The following ST3GAL1 variants were observed in gnomAD, a reference collection of about 807,000 sequenced individuals.
ST3GAL1 encodes the protein CMP-N-acetylneuraminate-beta-galactosamide-alpha-2,3-sialyltransferase 1.
A neutral mutation model predicts 34.1 loss-of-function variants in ST3GAL1; 16 were observed. The observed-to-expected ratio is 0.47, with a 90% confidence interval of 0.32 to 0.71. The LOEUF (loss-of-function observed/expected upper bound fraction) is 0.71. Among genes scored for constraint, ST3GAL1 ranks in the 30% least tolerant of loss-of-function variants. ST3GAL1 has a pLI of 0.04. For synonymous variants in ST3GAL1, 191 were observed against 184.7 expected (o/e 1.03, Z -0.28); for missense variants, 353 against 447.4 (o/e 0.79, Z 1.90).
chr8:133,554,267 C>A (rs1184730569), intron 1 of ST3GAL1, among the ~76,000 whole-genome samples: 1 of 152,168 alleles, frequency 6.6e-6, no homozygotes, highest in African/African-American at 2.4e-5. Context: ...CTGGAAGACA[C>A]CTGAATGCAC....
rs1586586078 is a variant in ST3GAL1 at position 133,465,937 on chromosome 8, A to T, written c.460T>A (p.Ser154Thr). ...CTGTCTATCTCAGGCCCATAAGAAGACTCCCTCAGGTTGCCCGAGTTGCCC... is the reference window on the plus strand; with the variant it reads ...CTGTCTATCTCAGGCCCATAAGAAGTCTCCCTCAGGTTGCCCGAGTTGCCC... Reference protein sequence around the residue: ...VVGNSGNLRESSYGPEIDSHD... With the variant: ...VVGNSGNLRETSYGPEIDSHD... Residue 154 changes from serine (S) to threonine (T), a missense_variant, in exon 6 of 10, where the codon TCT becomes ACT. By Grantham distance (58) the Ser-to-Thr change is moderately conservative. Transcript: ENST00000522652. 1 of 1,613,542 alleles carries T rather than the reference A, an allele frequency of 6.2e-7. No homozygotes were observed. Among genetic ancestry groups the T allele is most frequent in the Non-Finnish European group, 8.5e-7 (1 of 1,179,876 alleles).
chr8:133,475,979 C>T lies in ST3GAL1; in HGVS notation c.46G>A (p.Val16Met), dbSNP rs150867627. ...AAGGAGGTGAGGAAGATGAAGAGCA[C>T]GAGGAAGGTGAGCACTTTCAGGGTC... ...KRTLKVLTFL[V>M]LFIFLTSFFL... The change falls in exon 5 of 10, where the codon GTG becomes ATG. Residue 16 changes from valine to methionine, a missense_variant. By Grantham distance (21) the Val-to-Met change is conservative. Transcript: ENST00000522652. 174 of 1,612,040 alleles carry T rather than the reference C, an allele frequency of 1.1e-4. No homozygotes were observed. Among genetic ancestry groups the T allele is most frequent in the South Asian group, 2.0e-4 (18 of 90,798 alleles).
intron 2 of ST3GAL1, among the ~76,000 whole-genome samples, chr8:133,528,512 T>C (rs1386118664): frequency 1.3e-5 from 2 of 152,240 alleles, no homozygotes; most frequent in Non-Finnish European, 2.9e-5. Context: ...TACATTGAGC[T>C]ATACAAGCTG....
In ST3GAL1 at chr8:133,465,762, C is replaced by G. The variant is rs959076283; in HGVS notation, c.503+132G>C. The G allele has an allele frequency of 5.2e-6, 5 of 958,636 alleles. No homozygotes were observed. In the African/African-American group the frequency reaches 6.6e-5, roughly 13 times the overall value. The allele number at this position is 958,636 out of a possible 1,614,324, so 59.4% of individuals were successfully genotyped here. A position where few individuals can be genotyped will look rare whatever the true frequency, so the allele number is the denominator to read the frequency against. On this transcript the variant is annotated intron_variant, in intron 6 of 9. Coordinates refer to ENST00000522652, the MANE Select transcript of ST3GAL1 (RefSeq NM_173344.3). ...GAGGCCCAGGGGGTGCAGTGTGGAG[C>G]CTGGGGTCCCTGGGTAAGTTCAGTC...
chr8:133,556,702 A>G lies in ST3GAL1; in HGVS notation c.-581-10776T>C, dbSNP rs1819037584. Among the ~76,000 whole-genome samples the G allele has an allele frequency of 6.6e-6, 1 of 152,184 alleles. No individual in the cohort carries two copies. The highest frequency in any genetic ancestry group is 3.2e-3 in the Middle Eastern group (1 of 316). ...GAGAAAGAAAACTATTAGCCATGGA[A>G]ACCTTGCACCCAAGGACACGGCTGA... On this transcript the variant is annotated intron_variant, in intron 1 of 9. Transcript: ENST00000522652. The surrounding 1 kb of genome is among the most constrained non-coding windows in gnomAD (Gnocchi z 8.9).
intron 1 of ST3GAL1, among the ~76,000 whole-genome samples, chr8:133,555,208 G>C (rs1818974444): frequency 6.6e-6 from 1 of 152,096 alleles, no homozygotes; most frequent in South Asian, 2.1e-4. Context: ...ACCCGTCTCA[G>C]CCTGGCCGGG....
At chr8:133,505,464 T>C (rs1217094057) in intron 2 of ST3GAL1, among the ~76,000 whole-genome samples, 1 of 152,226 alleles carries the variant, frequency 6.6e-6, no homozygotes, top group Non-Finnish European at 1.5e-5. Context: ...GTCTTTTGGC[T>C]CTGATCCAGG....
Position 133,497,544 on chromosome 8 carries a change from A to C in ST3GAL1, c.-374+1591T>G, listed in dbSNP as rs546393496. The stretch of plus-strand genomic sequence containing the variant: ...GGAGTGCACGGGCGCAATCTCGGCT[A>C]ACTGCAACCTCCGTGCCTCCTGGGT... On this transcript the variant is annotated intron_variant, in intron 3 of 9. Coordinates refer to ENST00000522652, the MANE Select transcript of ST3GAL1 (RefSeq NM_173344.3). 1.8e-3 allele frequency among the ~76,000 whole-genome samples: 242 copies of C among 133,246 alleles called. 1 individual carries two copies. The highest frequency in any genetic ancestry group is 6.2e-3 in the African/African-American group (215 of 34,650). The allele number at this position is 133,246 out of a possible 152,430, so 87.4% of individuals were successfully genotyped here.
At chr8:133,557,532 G>T (rs961968548) in intron 1 of ST3GAL1, among the ~76,000 whole-genome samples, 2 of 152,108 alleles carry the variant, frequency 1.3e-5, no homozygotes, top group African/African-American at 4.8e-5. Context: ...CACCAGCCAG[G>T]CCCTGTCTGT....
chr8:133,503,277 TAGTC>T (rs1199034214), intron 2 of ST3GAL1, among the ~76,000 whole-genome samples: 4 of 152,188 alleles, frequency 2.6e-5, no homozygotes, highest in African/African-American at 9.6e-5. Flanking sequence ...ACTGAGTAGA[TAGTC>T]AGGAGAGCCG....
rs1818516072 is a variant in ST3GAL1, at chr8:133,541,147, A to AGAGAGG, written c.-429+4626_-429+4627insCCTCTC. On this transcript the variant is annotated intron_variant, in intron 2 of 9. Coordinates refer to ENST00000522652, the MANE Select transcript of ST3GAL1 (RefSeq NM_173344.3). ...GAGAGAGAGAGAGAGAGAGAGAGAG[A>AGAGAGG]GAGAGACTGTGTGTCTCTCCCTCTT... Among the ~76,000 whole-genome samples the AGAGAGG allele has an allele frequency of 1.6e-4, 20 of 125,470 alleles. 1 individual carries two copies. The highest frequency in any genetic ancestry group is 6.7e-4 in the African/African-American group (17 of 25,508). The allele number at this position is 125,470 out of a possible 152,430, so 82.3% of individuals were successfully genotyped here. A position where few individuals can be genotyped will look rare whatever the true frequency, so the allele number is the denominator to read the frequency against.
rs1335238381 is a variant in ST3GAL1 at position 133,466,927 on chromosome 8, T to C, written c.307-837A>G. Among the ~76,000 whole-genome samples, 2 of 151,962 alleles carry C rather than the reference T, an allele frequency of 1.3e-5. No homozygotes were observed. Among genetic ancestry groups the C allele is most frequent in the African/African-American group, 4.8e-5 (2 of 41,342 alleles). On this transcript the variant is annotated intron_variant, in intron 5 of 9. Transcript: ENST00000522652. This position sits in a 1 kb window ranked among gnomAD's most constrained non-coding sequence, Gnocchi z 4.4. The stretch of plus-strand genomic sequence containing the variant: ...GCCTGGCCAATATGGTGAAACCCCA[T>C]CTCTATTAAAAATACAAAAAAGCCG...
At chr8:133,522,848 G>A (rs1817853184) in intron 2 of ST3GAL1, among the ~76,000 whole-genome samples, 1 of 152,106 alleles carries the variant, frequency 6.6e-6, no homozygotes, top group African/African-American at 2.4e-5. Context: ...TGGCCTCCTG[G>A]TGTGCTCCCA....
chr8:133,557,731 C>T (rs1254742801), intron 1 of ST3GAL1, among the ~76,000 whole-genome samples: 1 of 152,044 alleles, frequency 6.6e-6, no homozygotes, highest in Non-Finnish European at 1.5e-5. Flanking sequence ...GCCTGTAATC[C>T]CAGCTACTTA....
In ST3GAL1 at chr8:133,531,061, C is replaced by T. The variant is rs574035617; in HGVS notation, c.-429+14713G>A. Among the ~76,000 whole-genome samples, 8 of 151,676 alleles carry T rather than the reference C, an allele frequency of 5.3e-5. 1 individual carries two copies. The highest frequency in any genetic ancestry group is 1.9e-4 in the African/African-American group (8 of 41,524). ...TTTATGATTATGCTCTGCAGCACCC[C>T]AAACACAGCAGTGGCTGTCCCCCGC... is the stretch of plus-strand genomic sequence containing the variant. On this transcript the variant is annotated intron_variant, in intron 2 of 9. Coordinates refer to ENST00000522652, the MANE Select transcript of ST3GAL1 (RefSeq NM_173344.3).
chr8:133,509,697 G>A (rs992294204), intron 2 of ST3GAL1, among the ~76,000 whole-genome samples: 2 of 152,204 alleles, frequency 1.3e-5, no homozygotes, highest in African/African-American at 4.8e-5. Context: ...TTTACAGGAC[G>A]AGGTCAGTGA....
At chr8:133,533,900 T>C (rs1818228290) in intron 2 of ST3GAL1, among the ~76,000 whole-genome samples, 1 of 152,200 alleles carries the variant, frequency 6.6e-6, no homozygotes, top group South Asian at 2.1e-4. Flanking sequence ...AATATGCAAA[T>C]AAGCAGCAAC....
At chr8:133,518,387 C>G (rs754990949) in intron 2 of ST3GAL1, among the ~76,000 whole-genome samples, 2 of 152,172 alleles carry the variant, frequency 1.3e-5, no homozygotes, top group Non-Finnish European at 2.9e-5. Context: ...TTACCTGCCC[C>G]GTGTAATAAA....
At chr8:133,526,001 C>T (rs1484903692) in intron 2 of ST3GAL1, among the ~76,000 whole-genome samples, 1 of 152,146 alleles carries the variant, frequency 6.6e-6, no homozygotes, top group Non-Finnish European at 1.5e-5. Flanking sequence ...AGGGTTCCCA[C>T]CTGTTCCTGG....
Sources: allele counts gnomAD v4.1 joint callset (sites outside exome capture counted in the v4.1 genomes callset), GRCh38; gene constraint gnomAD v4.1.1; non-coding constraint Gnocchi (gnomAD v3.1); transcripts MANE v1.5; gene names NCBI Gene and HGNC (gene_info 2026-07-23, HGNC 2026-07-21).